FSTL5: variants seen among roughly 807,000 people sequenced by gnomAD.
FSTL5 encodes follistatin-related protein 5.
FSTL5 carries 62 observed loss-of-function variants against 89.1 expected under a neutral mutation model. That is an observed-to-expected ratio of 0.70 (90% CI 0.57 to 0.86). The LOEUF (loss-of-function observed/expected upper bound fraction) is 0.86. Ranked by LOEUF, FSTL5 falls within the 40% of genes least tolerant of loss-of-function variation. The pLI is 0.00. For synonymous variants in FSTL5, 383 were observed against 346.2 expected, an observed-to-expected ratio of 1.11 and a Z score of -1.18; for missense variants, 1,057 against 1,001.6, an observed-to-expected ratio of 1.06 and a Z score of -0.75.
intron 3 of FSTL5, among the ~76,000 whole-genome samples, chr4:162,014,703 A>G (rs1353801255): frequency 2.0e-5 from 3 of 152,202 alleles, no homozygotes; most frequent in African/African-American, 7.2e-5. Flanking sequence ...GAATGGATGC[A>G]TTTGACAGGC....
intron 1 of FSTL5, among the ~76,000 whole-genome samples, chr4:162,161,447 T>C (rs902864670): frequency 6.6e-6 from 1 of 151,816 alleles, no homozygotes; most frequent in African/African-American, 2.4e-5. Flanking sequence ...GCTAAAAGTG[T>C]AGAAAAATCA....
At chr4:162,135,246 G>T (rs1732478300) in intron 1 of FSTL5, among the ~76,000 whole-genome samples, 1 of 151,820 alleles carries the variant, frequency 6.6e-6, no homozygotes, top group African/African-American at 2.4e-5. Flanking sequence ...AGTCTATGAT[G>T]TTATACCTCA....
intron 12 of FSTL5, among the ~76,000 whole-genome samples, chr4:161,483,043 G>C (rs1021125965): frequency 6.6e-6 from 1 of 152,162 alleles, no homozygotes; most frequent in Non-Finnish European, 1.5e-5. Context: ...CTACTCGGGA[G>C]GTCAACCTGA....
intron 6 of FSTL5, among the ~76,000 whole-genome samples, chr4:161,715,880 C>G (rs936390157): frequency 8.5e-5 from 13 of 152,146 alleles, no homozygotes; most frequent in Non-Finnish European, 1.5e-4. Flanking sequence ...TCTCTCTAGC[C>G]CGTAGTAGTG....
chr4:161,661,145 G>A (rs958620683), intron 6 of FSTL5, among the ~76,000 whole-genome samples: 8 of 152,062 alleles, frequency 5.3e-5, no homozygotes, highest in Admixed American at 3.3e-4. Context: ...TGAAACATTA[G>A]TTTAAAAAGG....
At chr4:161,584,860 T>C (rs535317000) in intron 8 of FSTL5, among the ~76,000 whole-genome samples, 10 of 152,266 alleles carry the variant, frequency 6.6e-5, no homozygotes, top group African/African-American at 2.4e-4. Flanking sequence ...GCAATTTAAA[T>C]GTTATGGGAC....
intron 7 of FSTL5, among the ~76,000 whole-genome samples, chr4:161,621,827 CAAAAAAAAAA>C (rs58143952): frequency 4.5e-4 from 41 of 90,396 alleles, no homozygotes; most frequent in Admixed American, 3.1e-3. Context: ...TCTAAAAATA[CAAAAAAAAAA>C]AAAAAAAAAA....
At chr4:161,596,682 T>A (rs1210209825) in intron 7 of FSTL5, among the ~76,000 whole-genome samples, 1 of 152,058 alleles carries the variant, frequency 6.6e-6, no homozygotes, top group African/African-American at 2.4e-5. Flanking sequence ...TTCTAAATGG[T>A]TGTTGAGGAT....
At chr4:161,982,079 G>A (rs1735842581) in intron 3 of FSTL5, among the ~76,000 whole-genome samples, 1 of 152,066 alleles carries the variant, frequency 6.6e-6, no homozygotes, top group South Asian at 2.1e-4. Flanking sequence ...TGGCTCCAGT[G>A]GGTCCTAAAG....
At chr4:161,739,556 C>T (rs1470008986) in intron 6 of FSTL5, among the ~76,000 whole-genome samples, 1 of 152,152 alleles carries the variant, frequency 6.6e-6, no homozygotes, top group Non-Finnish European at 1.5e-5. Flanking sequence ...ATTTTCTACA[C>T]ACTGAATCAA....
chr4:162,052,801 C>A (rs760616596), intron 2 of FSTL5, among the ~76,000 whole-genome samples: 1 of 151,776 alleles, frequency 6.6e-6, no homozygotes, highest in Non-Finnish European at 1.5e-5. Context: ...TTAAAATCTA[C>A]TCTCTTAGTT....
intron 13 of FSTL5, among the ~76,000 whole-genome samples, chr4:161,476,186 T>TTG (rs1734138166): frequency 9.2e-6 from 1 of 108,824 alleles, no homozygotes; most frequent in African/African-American, 3.4e-5. Context: ...TTTTTTTTTT[T>TTG]TTGTTTGTTT....
chr4:161,882,676 G>A (rs1463402449), intron 4 of FSTL5, among the ~76,000 whole-genome samples: 1 of 151,890 alleles, frequency 6.6e-6, no homozygotes, highest in African/African-American at 2.4e-5. Context: ...CCATTTAAAT[G>A]GATTTTAAAA....
At chr4:161,725,113 T>G (rs1228729849) in intron 6 of FSTL5, among the ~76,000 whole-genome samples, 1 of 152,086 alleles carries the variant, frequency 6.6e-6, no homozygotes, top group Non-Finnish European at 1.5e-5. Flanking sequence ...GGAGAATCAC[T>G]TGAACCGGGG....
chr4:161,536,460 T>C (rs901435596), intron 10 of FSTL5, among the ~76,000 whole-genome samples: 3 of 152,280 alleles, frequency 2.0e-5, no homozygotes, highest in African/African-American at 7.2e-5. Context: ...AATTCTGGCA[T>C]TTAACTATTA....
intron 15 of FSTL5, among the ~76,000 whole-genome samples, chr4:161,447,534 G>T (rs2126382683): frequency 6.6e-6 from 1 of 152,150 alleles, no homozygotes; most frequent in South Asian, 2.1e-4. Flanking sequence ...AGCAGACAGG[G>T]TTCTCTAACT....
chr4:162,050,471 G>T (rs1371398511), intron 2 of FSTL5, among the ~76,000 whole-genome samples: 1 of 149,772 alleles, frequency 6.7e-6, no homozygotes, highest in Non-Finnish European at 1.5e-5. Context: ...AATAATTCAG[G>T]ATAGTTCTGA....
chr4:161,567,275 T>A (rs1732851350), intron 8 of FSTL5, among the ~76,000 whole-genome samples: 1 of 152,242 alleles, frequency 6.6e-6, no homozygotes, highest in African/African-American at 2.4e-5. Flanking sequence ...TTCATTAATT[T>A]AAATAAAATA....
At chr4:161,887,994 G>C (rs997269831) in intron 4 of FSTL5, among the ~76,000 whole-genome samples, 1 of 152,058 alleles carries the variant, frequency 6.6e-6, no homozygotes, top group African/African-American at 2.4e-5. Flanking sequence ...AGTCCAACTG[G>C]AAGTTGTCAG....
Sources: gnomAD v4.1 joint callset for allele counts (sites outside exome capture counted in the v4.1 genomes callset) on GRCh38, gnomAD v4.1.1 for gene constraint, MANE v1.5 for transcripts, NCBI Gene and HGNC (gene_info 2026-07-23, HGNC 2026-07-21) for gene names.